UTP18: variants seen among roughly 807,000 people sequenced by gnomAD.
The protein encoded by UTP18 is U3 small nucleolar RNA-associated protein 18 homolog.
UTP18 carries 36 observed loss-of-function variants against 61.1 expected under a neutral mutation model. The ratio of observed to expected loss-of-function variants is 0.59; its 90% CI spans 0.45 to 0.78. The LOEUF is 0.78. UTP18 is among the 30% of genes least tolerant of loss of function. UTP18 has a pLI of 0.00. For synonymous variants in UTP18, 282 were observed against 251.1 expected, an observed-to-expected ratio of 1.12 and a Z score of -1.16; for missense variants, 753 against 693.9, an observed-to-expected ratio of 1.09 and a Z score of -0.96.
intron 11 of UTP18, among the ~76,000 whole-genome samples, chr17:51,291,319 A>G (rs1905233601): frequency 6.6e-6 from 1 of 152,238 alleles, no homozygotes; most frequent in Non-Finnish European, 1.5e-5. Flanking sequence ...GCTTGAGGGA[A>G]GATTCACCAA....
chr17:51,282,891 C>T (rs1199613468), intron 9 of UTP18, among the ~76,000 whole-genome samples: 3 of 116,074 alleles, frequency 2.6e-5, no homozygotes, highest in African/African-American at 9.6e-5. Context: ...TTTTTTGAGA[C>T]AGAGTCTCAC....
At chr17:51,264,392 C>T (rs986894112) in intron 2 of UTP18, among the ~76,000 whole-genome samples, 2 of 152,142 alleles carry the variant, frequency 1.3e-5, no homozygotes, top group African/African-American at 2.4e-5. Context: ...ATGTTTATCA[C>T]CTCTTTATGT....
intron 2 of UTP18, among the ~76,000 whole-genome samples, chr17:51,264,522 T>A (rs536633024): frequency 1.7e-4 from 26 of 152,288 alleles, no homozygotes; most frequent in African/African-American, 5.8e-4. Context: ...GACTGCATGC[T>A]ATGGGGCTCT....
At chr17:51,265,009 T>C (rs2055545777) in intron 2 of UTP18, among the ~76,000 whole-genome samples, 1 of 152,178 alleles carries the variant, frequency 6.6e-6, no homozygotes, top group Admixed American at 6.5e-5. Context: ...TTCTTTATTA[T>C]GTCCTTGTCT....
intron 1 of UTP18, among the ~76,000 whole-genome samples, 184 bp from the exon 2 acceptor site, chr17:51,263,090 C>T (rs1001994953): frequency 6.6e-6 from 1 of 152,240 alleles, no homozygotes; most frequent in Non-Finnish European, 1.5e-5. Flanking sequence ...CAGTCGGTGC[C>T]ATTCTCTGAT....
chr17:51,283,963 A>T (rs1262375397), intron 9 of UTP18, among the ~76,000 whole-genome samples: 1 of 152,178 alleles, frequency 6.6e-6, no homozygotes, highest in Non-Finnish European at 1.5e-5. Context: ...TGACCATTTC[A>T]TGCACTTGCT....
chr17:51,275,910 T>A lies in UTP18; in HGVS notation c.756T>A (p.Ala252=), dbSNP rs1222656917. 3 of 1,612,160 alleles carry A rather than the reference T, an allele frequency of 1.9e-6. No homozygotes were observed. Among genetic ancestry groups the A allele is most frequent in the Non-Finnish European group, 2.5e-6 (3 of 1,179,374 alleles). ...CGAATGCTGAACGTCCTACTGTTGCTCGGATCTCATCTGTGCAGTTCCATC... is the reference window on the plus strand; with the variant it reads ...CGAATGCTGAACGTCCTACTGTTGCACGGATCTCATCTGTGCAGTTCCATC... ...QHANAERPTV[A]RISSVQFHPG... is the part of the protein sequence containing the mutation. The change falls in exon 6 of 14, where the codon GCT becomes GCA. Residue 252 remains alanine (A), a synonymous_variant. Coordinates refer to ENST00000225298, the MANE Select transcript of UTP18 (RefSeq NM_016001.3).
At chr17:51,268,430 G>A (rs1904383370) in intron 3 of UTP18, among the ~76,000 whole-genome samples, 1 of 152,182 alleles carries the variant, frequency 6.6e-6, no homozygotes, top group Non-Finnish European at 1.5e-5. Flanking sequence ...ATGAAGTTTT[G>A]TATATTCTTA....
intron 1 of UTP18, among the ~76,000 whole-genome samples, chr17:51,262,853 T>C (rs917169150): frequency 2.0e-5 from 3 of 152,148 alleles, no homozygotes; most frequent in Non-Finnish European, 4.4e-5. Flanking sequence ...CGCTCTCTGC[T>C]GGTATAAAGT....
chr17:51,284,868 C>T (rs1438762873), intron 9 of UTP18, among the ~76,000 whole-genome samples: 1 of 152,046 alleles, frequency 6.6e-6, no homozygotes, highest in Non-Finnish European at 1.5e-5. Flanking sequence ...CGAGACCAGC[C>T]TGGCCAACAT....
At chr17:51,289,103 A>C (rs1405480998) in intron 11 of UTP18, among the ~76,000 whole-genome samples, 1 of 152,166 alleles carries the variant, frequency 6.6e-6, no homozygotes, top group Non-Finnish European at 1.5e-5. Flanking sequence ...CATATCATTT[A>C]GGGAAAGTTT....
At chr17:51,270,795 G>A (rs149041590) in intron 4 of UTP18, among the ~76,000 whole-genome samples, 1 of 152,328 alleles carries the variant, frequency 6.6e-6, no homozygotes, top group African/African-American at 2.4e-5. Flanking sequence ...ATCCTAGGAA[G>A]TGTAGTTTGG....
At chr17:51,264,661 G>A (rs2055541565) in intron 2 of UTP18, among the ~76,000 whole-genome samples, 1 of 151,154 alleles carries the variant, frequency 6.6e-6, no homozygotes, top group Non-Finnish European at 1.5e-5. Context: ...TTGTTTTGAG[G>A]AAGTGTTTTT....
chr17:51,265,210 C>A (rs1410170875), intron 2 of UTP18, among the ~76,000 whole-genome samples: 2 of 151,274 alleles, frequency 1.3e-5, no homozygotes, highest in East Asian at 3.9e-4. Flanking sequence ...AAGTAGTTAA[C>A]AGAGAGAGAC....
intron 10 of UTP18, among the ~76,000 whole-genome samples, chr17:51,285,891 A>G (rs186568432): frequency 6.6e-6 from 1 of 152,316 alleles, no homozygotes; most frequent in Admixed American, 6.5e-5. Context: ...GCAGTTGAAC[A>G]CCTTTTTAGC....
At chr17:51,270,985 C>T (rs1203659353) in intron 4 of UTP18, among the ~76,000 whole-genome samples, 2 of 152,106 alleles carry the variant, frequency 1.3e-5, no homozygotes, top group Non-Finnish European at 2.9e-5. Context: ...ATGATTATCT[C>T]CAGTGTGTTA....
At chr17:51,263,509 A>G (rs1224564132) in intron 2 of UTP18, 123 bp downstream of exon 2, 2 of 767,336 alleles carry the variant, frequency 2.6e-6, no homozygotes, top group Non-Finnish European at 4.1e-6. Context: ...ATTTGAAAGT[A>G]TAGAAAAGAT....
intron 7 of UTP18, 95 bp downstream of exon 7, chr17:51,277,399 T>C: frequency 7.3e-7 from 1 of 1,362,730 alleles, no homozygotes; most frequent in Non-Finnish European, 9.9e-7. Context: ...CATAGGATTC[T>C]TAAAAATAAG....
At chr17:51,284,070 A>AG (rs1905034452) in intron 9 of UTP18, among the ~76,000 whole-genome samples, 1 of 152,246 alleles carries the variant, frequency 6.6e-6, no homozygotes, top group South Asian at 2.1e-4. Context: ...ATGTACAGGC[A>AG]GACATATAAG....
Sources: gnomAD v4.1 joint callset for allele counts (sites outside exome capture counted in the v4.1 genomes callset) on GRCh38, gnomAD v4.1.1 for gene constraint, MANE v1.5 for transcripts, NCBI Gene and HGNC (gene_info 2026-07-23, HGNC 2026-07-21) for gene names.